The following PALM2AKAP2 variants were observed in gnomAD, a reference collection of about 807,000 sequenced individuals.
The protein encoded by PALM2AKAP2 is PALM2 and AKAP2 fusion, also known as PALM2-AKAP2 fusion protein.
A neutral mutation model predicts 71.5 loss-of-function variants in PALM2AKAP2; 37 were observed. That is an observed-to-expected ratio of 0.52 (90% CI 0.40 to 0.68). The LOEUF (loss-of-function observed/expected upper bound fraction) is 0.68, where lower values mean the gene tolerates loss of function less well. Ranked by LOEUF, PALM2AKAP2 falls within the 30% of genes least tolerant of loss-of-function variation. PALM2AKAP2 has a pLI of 0.00. For synonymous variants in PALM2AKAP2, 468 were observed against 478.8 expected (o/e 0.98, Z 0.29); for missense variants, 1,224 against 1,191.8 (o/e 1.03, Z -0.40).
At chr9:110,113,066 T>C (rs965815777) in intron 1 of PALM2AKAP2, among the ~76,000 whole-genome samples, 1 of 152,228 alleles carries the variant, frequency 6.6e-6, no homozygotes, top group Non-Finnish European at 1.5e-5. Flanking sequence ...TAACCTGGCT[T>C]CTGTGTACAA....
intron 3 of PALM2AKAP2, among the ~76,000 whole-genome samples, chr9:109,912,163 G>T (rs1380927552): frequency 6.6e-6 from 1 of 152,126 alleles, no homozygotes; most frequent in Non-Finnish European, 1.5e-5. Context: ...AACATGGAGG[G>T]TGTGAACTTC....
chr9:110,105,797 G>A (rs1371204118), intron 1 of PALM2AKAP2, among the ~76,000 whole-genome samples: 2 of 152,154 alleles, frequency 1.3e-5, no homozygotes, highest in Admixed American at 6.5e-5. Flanking sequence ...TTTATTACAA[G>A]TATCCTTTTA....
chr9:109,823,337 G>A (rs1483141449), intron 1 of PALM2AKAP2, among the ~76,000 whole-genome samples: 2 of 152,142 alleles, frequency 1.3e-5, no homozygotes, highest in African/African-American at 4.8e-5. Flanking sequence ...AGGATCCCAG[G>A]GCTTGTGTTG....
chr9:109,925,719 C>G (rs1276103235), intron 5 of PALM2AKAP2, among the ~76,000 whole-genome samples: 1 of 152,162 alleles, frequency 6.6e-6, no homozygotes, highest in Non-Finnish European at 1.5e-5. Flanking sequence ...TACCTTTCCT[C>G]TGTCCTCTCC....
At chr9:109,761,240 A>G (rs1230827225) in intron 1 of PALM2AKAP2, among the ~76,000 whole-genome samples, 1 of 152,244 alleles carries the variant, frequency 6.6e-6, no homozygotes, top group Admixed American at 6.5e-5. Flanking sequence ...ATTCCATCCA[A>G]AATAATATTA....
At chr9:109,884,786 A>G (rs1460379090) in intron 3 of PALM2AKAP2, among the ~76,000 whole-genome samples, 1 of 152,246 alleles carries the variant, frequency 6.6e-6, no homozygotes, top group African/African-American at 2.4e-5. Flanking sequence ...GTATATTAGT[A>G]CAGTTGTGCC....
chr9:109,912,470 G>C (rs1448210171), intron 3 of PALM2AKAP2, among the ~76,000 whole-genome samples: 4 of 152,324 alleles, frequency 2.6e-5, no homozygotes, highest in African/African-American at 9.6e-5. Context: ...CGTGACTCCA[G>C]ATAGACTCAT....
intron 2 of PALM2AKAP2, among the ~76,000 whole-genome samples, chr9:110,143,652 T>C (rs1836091762): frequency 6.6e-6 from 1 of 152,254 alleles, no homozygotes. Context: ...TTAGATATCC[T>C]GGTTTCACTT....
At chr9:109,741,418 A>T (rs920596805) in intron 1 of PALM2AKAP2, among the ~76,000 whole-genome samples, 9 of 152,188 alleles carry the variant, frequency 5.9e-5, no homozygotes, top group African/African-American at 2.2e-4. Context: ...TGCCGTGAAT[A>T]TTCTTGAACA....
chr9:110,097,343 T>C (rs1834872911), intron 1 of PALM2AKAP2, among the ~76,000 whole-genome samples: 1 of 146,808 alleles, frequency 6.8e-6, no homozygotes, highest in African/African-American at 2.6e-5. Flanking sequence ...AAGTCTCCCA[T>C]GTCTACCTCT....
chr9:110,113,761 G>A (rs968624989), intron 1 of PALM2AKAP2, among the ~76,000 whole-genome samples: 9 of 151,982 alleles, frequency 5.9e-5, no homozygotes, highest in African/African-American at 1.9e-4. Flanking sequence ...TCGAACTTCT[G>A]ACCTCAGGTG....
At chr9:109,867,198 G>GTGTGTGTC (rs1275640549) in intron 1 of PALM2AKAP2, 59 of 389,558 alleles carry the variant, frequency 1.5e-4, no homozygotes, top group African/African-American at 1.4e-3. Context: ...GTGTGTGTGT[G>GTGTGTGTC]TGTGTGTCTG....
intron 7 of PALM2AKAP2, among the ~76,000 whole-genome samples, chr9:110,021,107 G>C (rs1049801747): frequency 1.3e-5 from 2 of 152,134 alleles, no homozygotes; most frequent in African/African-American, 4.8e-5. Context: ...CTCTGTCTCA[G>C]AAAATAATAC....
At chr9:109,886,161 T>A (rs1422248097) in intron 3 of PALM2AKAP2, among the ~76,000 whole-genome samples, 1 of 152,246 alleles carries the variant, frequency 6.6e-6, no homozygotes, top group Non-Finnish European at 1.5e-5. Context: ...ATGCTTTGCT[T>A]CTTTTTGGAG....
intron 7 of PALM2AKAP2, among the ~76,000 whole-genome samples, chr9:110,022,446 C>G (rs1168905361): frequency 2.0e-5 from 3 of 152,136 alleles, no homozygotes; most frequent in African/African-American, 2.4e-5. Context: ...TTTTTAAAAG[C>G]CCCTGGCTTT....
intron 1 of PALM2AKAP2, among the ~76,000 whole-genome samples, chr9:109,710,192 G>A (rs1828211199): frequency 6.6e-6 from 1 of 152,220 alleles, no homozygotes; most frequent in African/African-American, 2.4e-5. Context: ...AGGACTTCTG[G>A]CCTCCAGAAC....
intron 1 of PALM2AKAP2, among the ~76,000 whole-genome samples, chr9:110,088,713 T>G (rs966392935): frequency 6.6e-4 from 55 of 83,384 alleles, no homozygotes; most frequent in Non-Finnish European, 1.0e-3. Context: ...GTTTTTTTTT[T>G]TTTTTTTTTT....
intron 1 of PALM2AKAP2, among the ~76,000 whole-genome samples, chr9:109,785,491 A>G (rs962578057): frequency 4.6e-5 from 7 of 152,202 alleles, no homozygotes; most frequent in Admixed American, 4.6e-4. Context: ...GCTGATAAAG[A>G]CATACCCGAG....
At chr9:109,969,851 C>G (rs1279575371) in intron 6 of PALM2AKAP2, among the ~76,000 whole-genome samples, 2 of 152,084 alleles carry the variant, frequency 1.3e-5, no homozygotes, top group African/African-American at 4.8e-5. Flanking sequence ...AAGTGCACCC[C>G]TCCCCGAACC....
Sources: gnomAD v4.1 joint callset for allele counts (sites outside exome capture counted in the v4.1 genomes callset) on GRCh38, gnomAD v4.1.1 for gene constraint, MANE v1.5 for transcripts, NCBI Gene and HGNC (gene_info 2026-07-23, HGNC 2026-07-21) for gene names.